The following PRKCA variants were observed in gnomAD, a reference collection of about 807,000 sequenced individuals.
PRKCA encodes the protein protein kinase C alpha type.
PRKCA carries 27 observed loss-of-function variants against 87.0 expected under a neutral mutation model. The observed-to-expected ratio is 0.31, with a 90% CI of 0.23 to 0.43. The LOEUF is 0.43. Ranked by LOEUF, PRKCA falls within the 20% of genes least tolerant of loss-of-function variation. PRKCA has a pLI of 1.00. For missense variants in PRKCA, 518 were observed against 852.3 expected, an observed-to-expected ratio of 0.61 and a Z score of 4.88; for synonymous variants, 329 against 311.1, an observed-to-expected ratio of 1.06 and a Z score of -0.61.
At chr17:66,554,972 G>T (rs150423629) in intron 3 of PRKCA, among the ~76,000 whole-genome samples, 3 of 151,088 alleles carry the variant, frequency 2.0e-5, no homozygotes, top group African/African-American at 7.3e-5. Context: ...CTCTGCCTCA[G>T]GTTCTGGCAA....
chr17:66,608,996 G>A (rs921301641), intron 3 of PRKCA, among the ~76,000 whole-genome samples: 7 of 152,172 alleles, frequency 4.6e-5, no homozygotes, highest in Non-Finnish European at 8.8e-5. Context: ...GAAGGCGAAC[G>A]AGGCCATGCA....
chr17:66,429,441 T>C (rs1480975759), intron 2 of PRKCA, among the ~76,000 whole-genome samples: 1 of 152,226 alleles, frequency 6.6e-6, no homozygotes, highest in Non-Finnish European at 1.5e-5. Context: ...GTCTGTACCA[T>C]TACAGCTCTG....
At chr17:66,681,886 G>A (rs9915061) in intron 5 of PRKCA, among the ~76,000 whole-genome samples, 7,337 of 152,246 alleles carry the variant, frequency 0.048, 603 homozygotes, top group African/African-American at 0.16. Context: ...CTCAGGGAAA[G>A]CATAGCGGTC....
intron 3 of PRKCA, among the ~76,000 whole-genome samples, chr17:66,603,114 GTCC>G (rs1970103032): frequency 1.3e-5 from 2 of 152,052 alleles, no homozygotes; most frequent in African/African-American, 4.8e-5. Context: ...ACCATCCAGC[GTCC>G]TCCTCCTTCC....
chr17:66,461,300 T>G (rs1404126256), intron 2 of PRKCA, among the ~76,000 whole-genome samples: 2 of 152,124 alleles, frequency 1.3e-5, no homozygotes, highest in East Asian at 1.9e-4. Flanking sequence ...TGCTAACATG[T>G]TATCTGTATG....
chr17:66,678,904 C>T (rs1161716758), intron 5 of PRKCA, among the ~76,000 whole-genome samples: 1 of 152,194 alleles, frequency 6.6e-6, no homozygotes, highest in South Asian at 2.1e-4. Flanking sequence ...TCCCTCTATG[C>T]TTTCCATGTG....
chr17:66,511,538 C>G (rs1917228768), intron 3 of PRKCA, among the ~76,000 whole-genome samples: 1 of 152,104 alleles, frequency 6.6e-6, no homozygotes, highest in Admixed American at 6.6e-5. Context: ...ATGTGTAAAA[C>G]TAGACGGGGA....
chr17:66,551,731 C>T (rs1452742659), intron 3 of PRKCA, among the ~76,000 whole-genome samples: 1 of 152,086 alleles, frequency 6.6e-6, no homozygotes, highest in Admixed American at 6.6e-5. Context: ...CATAGCAGAA[C>T]AGTAAGTTTC....
At chr17:66,411,999 A>T (rs1343278346) in intron 2 of PRKCA, among the ~76,000 whole-genome samples, 1 of 140,900 alleles carries the variant, frequency 7.1e-6, no homozygotes, top group East Asian at 2.1e-4. Context: ...AGGAAAAAAA[A>T]TCTTTTTTTT....
chr17:66,511,488 GT>G (rs1040974864), intron 3 of PRKCA, among the ~76,000 whole-genome samples: 1 of 152,046 alleles, frequency 6.6e-6, no homozygotes, highest in African/African-American at 2.4e-5. Context: ...CGTAATCGTT[GT>G]TTTTTCCCCA....
chr17:66,503,378 C>T (rs768382956), intron 3 of PRKCA, among the ~76,000 whole-genome samples: 11 of 152,100 alleles, frequency 7.2e-5, no homozygotes, highest in East Asian at 3.9e-4. Flanking sequence ...ATACCGGTGA[C>T]GTCACAGGTT....
intron 3 of PRKCA, among the ~76,000 whole-genome samples, chr17:66,602,275 G>A (rs1332032087): frequency 1.8e-5 from 2 of 109,090 alleles, no homozygotes; most frequent in Admixed American, 9.9e-5. Context: ...CTCGTGGTGC[G>A]CCGTTTCTTA....
At chr17:66,714,519 T>A (rs965666545) in intron 8 of PRKCA, among the ~76,000 whole-genome samples, 12 of 152,110 alleles carry the variant, frequency 7.9e-5, no homozygotes, top group Non-Finnish European at 1.6e-4. Context: ...GTCTCACTGT[T>A]CCACCCCCTC....
At chr17:66,735,779 T>A (rs1248994815) in intron 10 of PRKCA, 117 bp downstream of exon 10, 1 of 1,252,228 alleles carries the variant, frequency 8.0e-7, no homozygotes, top group Admixed American at 2.3e-5. Context: ...TGTGTTGTGA[T>A]GTCAAGCAGA....
chr17:66,591,328 T>A (rs1567919613), intron 3 of PRKCA, among the ~76,000 whole-genome samples: 1 of 151,650 alleles, frequency 6.6e-6, no homozygotes, highest in Non-Finnish European at 1.5e-5. Context: ...AATTTTTTTT[T>A]TTTTTATTTT....
chr17:66,612,381 C>CAAAA (rs1200272317), intron 3 of PRKCA, among the ~76,000 whole-genome samples: 24 of 87,808 alleles, frequency 2.7e-4, no homozygotes, highest in African/African-American at 8.2e-4. Context: ...AAATCTGTCT[C>CAAAA]AAAAAAAAAA....
intron 3 of PRKCA, among the ~76,000 whole-genome samples, chr17:66,527,551 G>A (rs1286716370): frequency 6.6e-6 from 1 of 152,162 alleles, no homozygotes; most frequent in African/African-American, 2.4e-5. Context: ...GTAGAATGAG[G>A]CACTGATCCG....
chr17:66,636,483 G>C (rs1971155407), intron 3 of PRKCA, among the ~76,000 whole-genome samples: 1 of 152,186 alleles, frequency 6.6e-6, no homozygotes, highest in Admixed American at 6.5e-5. Context: ...CGGGAATGCG[G>C]GACCTAGGAG....
At chr17:66,549,459 T>G (rs1033099141) in intron 3 of PRKCA, among the ~76,000 whole-genome samples, 15 of 152,304 alleles carry the variant, frequency 9.8e-5, no homozygotes, top group Admixed American at 5.2e-4. Flanking sequence ...GGCCCAGGCC[T>G]CTCTAAAGAG....
Sources: gnomAD v4.1 joint callset for allele counts (sites outside exome capture counted in the v4.1 genomes callset) on GRCh38, gnomAD v4.1.1 for gene constraint, MANE v1.5 for transcripts, NCBI Gene and HGNC (gene_info 2026-07-23, HGNC 2026-07-21) for gene names.